OPRM1: variants seen among roughly 807,000 people sequenced by gnomAD.
The protein encoded by OPRM1 is opioid receptor mu 1, also known as mu-type opioid receptor.
Under a neutral mutation model 31.8 loss-of-function variants are expected in OPRM1, and 27 were observed. That is an observed-to-expected ratio of 0.85 (90% CI 0.63 to 1.17). OPRM1 has a LOEUF of 1.17. OPRM1 is among the 50% of genes most tolerant of loss of function. The pLI is 0.00. For missense variants in OPRM1, 536 were observed against 511.1 expected, an observed-to-expected ratio of 1.05 and a Z score of -0.47; for synonymous variants, 196 against 189.9, an observed-to-expected ratio of 1.03 and a Z score of -0.26.
At chr6:154,225,161 C>A (rs1450194904) in intron 3 of OPRM1, among the ~76,000 whole-genome samples, 5 of 152,034 alleles carry the variant, frequency 3.3e-5, no homozygotes, top group African/African-American at 1.2e-4. Context: ...TCTGAAAATC[C>A]AACACCCAAT....
At chr6:154,063,967 AT>A (rs1784874260) in intron 1 of OPRM1, among the ~76,000 whole-genome samples, 1 of 152,048 alleles carries the variant, frequency 6.6e-6, no homozygotes, top group Non-Finnish European at 1.5e-5. Flanking sequence ...GTATATAAAT[AT>A]CTTGTGGAGA....
rs1010191554 is a variant in OPRM1 at position 154,129,904 on chromosome 6, C to T, written c.*11183C>T. Among the ~76,000 whole-genome samples, 4 of 149,806 alleles carry T rather than the reference C, an allele frequency of 2.7e-5. No individual in the cohort carries two copies. The highest frequency in any genetic ancestry group is 6.7e-5 in the Admixed American group (1 of 15,014). On this transcript the variant is annotated 3_prime_UTR_variant, in exon 4 of 4. Transcript: ENST00000330432. ...CACACACAACATAGTGAAATGGACC[C>T]GTGGGAATTATATGATAGTTGTAAT...
intron 3 of OPRM1, among the ~76,000 whole-genome samples, chr6:154,221,670 G>A (rs1406673799): frequency 2.6e-5 from 4 of 151,984 alleles, no homozygotes; most frequent in Admixed American, 6.6e-5. Flanking sequence ...TCAGGAGATC[G>A]AGACCATCCT....
intron 3 of OPRM1, among the ~76,000 whole-genome samples, chr6:154,184,556 C>T (rs545766713): frequency 4.6e-5 from 7 of 151,694 alleles, no homozygotes; most frequent in South Asian, 4.2e-4. Context: ...TATATATATG[C>T]GCATTGGTAC....
chr6:154,116,439 G>C (rs1445061937), intron 3 of OPRM1, among the ~76,000 whole-genome samples: 1 of 152,028 alleles, frequency 6.6e-6, no homozygotes, highest in Non-Finnish European at 1.5e-5. Flanking sequence ...ACAAAAATTA[G>C]CTGGGCGTGG....
intron 3 of OPRM1, among the ~76,000 whole-genome samples, chr6:154,173,920 G>A (rs890032663): frequency 1.1e-4 from 16 of 152,326 alleles, no homozygotes; most frequent in African/African-American, 3.8e-4. Flanking sequence ...GGCAGTCAGA[G>A]AGAAAGGTTG....
At chr6:154,022,050 G>T (rs1778407383) in intron 1 of OPRM1, among the ~76,000 whole-genome samples, 1 of 152,164 alleles carries the variant, frequency 6.6e-6, no homozygotes, top group East Asian at 1.9e-4. Flanking sequence ...TCCTTGCCTT[G>T]CTCCTTATCT....
intron 3 of OPRM1, among the ~76,000 whole-genome samples, chr6:154,243,960 ACAGGTGG>A (rs1324771149): frequency 6.6e-6 from 1 of 152,204 alleles, no homozygotes; most frequent in African/African-American, 2.4e-5. Flanking sequence ...ACACTAAGTA[ACAGGTGG>A]CTCTTCCTAA....
intron 3 of OPRM1, among the ~76,000 whole-genome samples, chr6:154,212,532 TTC>T (rs1286585574): frequency 7.2e-5 from 11 of 152,214 alleles, no homozygotes; most frequent in Non-Finnish European, 1.5e-4. Flanking sequence ...TCCTCATGAA[TTC>T]TCTGAGTACG....
chr6:154,140,304 T>C (rs1260792805), intron 3 of OPRM1, among the ~76,000 whole-genome samples: 1 of 151,722 alleles, frequency 6.6e-6, no homozygotes, highest in Non-Finnish European at 1.5e-5. Flanking sequence ...TTAAAAATAA[T>C]AGAAAGTTTA....
At chr6:154,091,654 T>C in intron 3 of OPRM1, 182 bp downstream of exon 3, 1 of 1,403,264 alleles carries the variant, frequency 7.1e-7, no homozygotes, top group East Asian at 2.6e-5. Flanking sequence ...TATATTTGAC[T>C]GTACATATTC....
chr6:154,164,815 C>G lies in OPRM1; in HGVS notation c.1164+73343C>G, dbSNP rs149212326. Among the ~76,000 whole-genome samples the G allele has an allele frequency of 4.9e-3, 750 of 152,294 alleles. 4 individuals are homozygous for G. The highest frequency in any genetic ancestry group is 7.4e-3 in the Non-Finnish European group (503 of 68,008). On this transcript the variant is annotated intron_variant, in intron 3 of 3. Coordinates refer to the OPRM1 transcript ENST00000337049. ...TAACTTATTTTAAAATAAAAGCAGA[C>G]TTAGCCAAAAGTCAGTGAATGATGA...
chr6:154,199,256 A>T (rs946201270), intron 3 of OPRM1, among the ~76,000 whole-genome samples: 3 of 152,252 alleles, frequency 2.0e-5, no homozygotes, highest in Non-Finnish European at 4.4e-5. Flanking sequence ...GGCACAGCCC[A>T]GAGAAAGTGG....
chr6:154,211,147 T>C (rs1406386571), intron 3 of OPRM1, among the ~76,000 whole-genome samples: 1 of 152,152 alleles, frequency 6.6e-6, no homozygotes, highest in East Asian at 1.9e-4. Flanking sequence ...CTGGGTGCGG[T>C]GGCTCACGCT....
intron 3 of OPRM1, among the ~76,000 whole-genome samples, chr6:154,180,240 A>T (rs768066550): frequency 6.6e-6 from 1 of 151,794 alleles, no homozygotes; most frequent in Non-Finnish European, 1.5e-5. Flanking sequence ...AATGTCAGTG[A>T]CCCTTCACTT....
chr6:154,163,643 C>T (rs1182293526), intron 3 of OPRM1, among the ~76,000 whole-genome samples: 1 of 152,140 alleles, frequency 6.6e-6, no homozygotes, highest in African/African-American at 2.4e-5. Context: ...AGACTGTTTA[C>T]ACATGTAGAC....
chr6:154,066,849 C>T (rs965225760), intron 1 of OPRM1, among the ~76,000 whole-genome samples: 3 of 152,112 alleles, frequency 2.0e-5, no homozygotes, highest in South Asian at 4.1e-4. Flanking sequence ...GTTGTTAAAA[C>T]CACTCAATGT....
chr6:154,244,719 C>G (rs903223805), intron 3 of OPRM1, among the ~76,000 whole-genome samples: 10 of 152,170 alleles, frequency 6.6e-5, no homozygotes, highest in African/African-American at 1.7e-4. Context: ...AATCTGGAAG[C>G]CTGTGTGGTT....
chr6:154,138,729 AC>A (rs1375563802), intron 3 of OPRM1, among the ~76,000 whole-genome samples: 1 of 152,202 alleles, frequency 6.6e-6, no homozygotes, highest in Non-Finnish European at 1.5e-5. Flanking sequence ...ATGATAACAG[AC>A]CTTTCCCAAA....
Sources: allele counts gnomAD v4.1 joint callset (sites outside exome capture counted in the v4.1 genomes callset), GRCh38; gene constraint gnomAD v4.1.1; transcripts MANE v1.5; gene names NCBI Gene and HGNC (gene_info 2026-07-23, HGNC 2026-07-21).